The following NCOR2 variants were observed in gnomAD, a reference collection of about 807,000 sequenced individuals.
NCOR2 encodes CTG repeat protein 26.
A neutral mutation model predicts 262.9 loss-of-function variants in NCOR2; 81 were observed. The observed-to-expected ratio is 0.31, with a 90% CI of 0.26 to 0.37. NCOR2 has a LOEUF of 0.37. Ranked by LOEUF, NCOR2 falls within the 10% of genes least tolerant of loss-of-function variation. The pLI is 1.00. For missense variants in NCOR2, 3,385 were observed against 3,621.4 expected (o/e 0.93, Z 1.68); for synonymous variants, 1,659 against 1,559.3 (o/e 1.06, Z -1.51).
intron 8 of NCOR2, among the ~76,000 whole-genome samples, chr12:124,434,360 C>T (rs983007360): frequency 5.3e-5 from 8 of 152,178 alleles, no homozygotes; most frequent in South Asian, 2.1e-4. Context: ...CAATCGCCAC[C>T]GCAGCTTCAG....
At chr12:124,325,392 C>CCCCCCAG in exon 47 of NCOR2, 1 of 1,152,270 alleles carries the variant, frequency 8.7e-7, no homozygotes, top group Non-Finnish European at 1.1e-6. Context: ...CCCCCCCGCC[C>CCCCCCAG]TGTTCTGAGT....
chr12:124,453,880 T>C (rs567651270), intron 6 of NCOR2, among the ~76,000 whole-genome samples: 60 of 152,290 alleles, frequency 3.9e-4, no homozygotes, highest in African/African-American at 1.4e-3. Context: ...CTGGTGCTAT[T>C]TTCATCCTTT....
At chr12:124,527,424 AT>A (rs549129924) in intron 1 of NCOR2, among the ~76,000 whole-genome samples, 170 of 148,060 alleles carry the variant, frequency 1.1e-3, no homozygotes, top group South Asian at 1.7e-3. Flanking sequence ...TTTTTTATTT[AT>A]TTTTTTTTTT....
At chr12:124,498,327 C>T (rs563757716), upstream of NCOR2, among the ~76,000 whole-genome samples, 1 of 152,178 alleles carries the variant, frequency 6.6e-6, no homozygotes, top group Non-Finnish European at 1.5e-5. Context: ...TCCTAAAGTG[C>T]CCCGCAGCTG....
In NCOR2 at chr12:124,426,686, C is replaced by T. The variant is rs1327190438; in HGVS notation, c.1264G>A (p.Val422Met). Residue 422 changes from valine (V) to methionine (M), a missense_variant, in exon 11 of 47, where the codon GTG (valine) becomes ATG (methionine). By Grantham distance (21) the Val-to-Met change is conservative (BLOSUM62 1). Coordinates refer to ENST00000405201, the Ensembl canonical transcript of NCOR2. ...TTCATGACCTGGCGGTCTTTGTACA[C>T]CTTCATGGGGTCGGCCATAAGCCCG... is the stretch of plus-strand genomic sequence containing the variant. 6 of 1,611,824 alleles carry T rather than the reference C, an allele frequency of 3.7e-6. No homozygotes were observed. In the Admixed American group the frequency reaches 6.7e-5, roughly 18 times the overall value.
At chr12:124,513,869 A>G (rs918061759) in intron 1 of NCOR2, 1 of 152,188 alleles carries the variant, frequency 6.6e-6, no homozygotes, top group African/African-American at 2.4e-5. Context: ...AGTCAGAGAA[A>G]AAGCATGAGA....
intron 7 of NCOR2, among the ~76,000 whole-genome samples, chr12:124,438,675 A>G (rs918914209): frequency 6.6e-6 from 1 of 151,666 alleles, no homozygotes; most frequent in African/African-American, 2.4e-5. Context: ...AGTTTCAGAG[A>G]GAGAGAGGGA....
At chr12:124,327,023 A>T (rs558399807) in intron 45 of NCOR2, among the ~76,000 whole-genome samples, 1 of 152,264 alleles carries the variant, frequency 6.6e-6, no homozygotes, top group South Asian at 2.1e-4. Context: ...CCTGGCTGCC[A>T]TTCCCCTGTC....
intron 1 of NCOR2, among the ~76,000 whole-genome samples, chr12:124,524,412 G>T (rs975133433): frequency 6.6e-6 from 1 of 152,106 alleles, no homozygotes; most frequent in Non-Finnish European, 1.5e-5. Context: ...AACAAATGTC[G>T]AGGACCTCAC....
At chr12:124,433,329 T>C (rs983347745) in intron 8 of NCOR2, among the ~76,000 whole-genome samples, 9 of 152,210 alleles carry the variant, frequency 5.9e-5, no homozygotes, top group Non-Finnish European at 1.0e-4. Context: ...CCTCGGCCCC[T>C]GTCCAAGAGG....
chr12:124,388,802 G>A (rs936334293), intron 16 of NCOR2: 3 of 1,300,672 alleles, frequency 2.3e-6, no homozygotes, highest in African/African-American at 1.5e-5. Flanking sequence ...TCGGCTCTGC[G>A]AGGCTGCTGG....
In NCOR2 at chr12:124,478,820, C is replaced by CAAAGAG. The variant is rs1244805349; in HGVS notation, c.411+4775_411+4776insCTCTTT. Among the ~76,000 whole-genome samples, 614 of 151,944 alleles carry CAAAGAG rather than the reference C, an allele frequency of 4.0e-3. 3 individuals are homozygous for CAAAGAG. The highest frequency in any genetic ancestry group is 0.014 in the African/African-American group (587 of 41,418). On this transcript the variant is annotated intron_variant, in intron 3 of 46. Transcript: ENST00000405201. Reference sequence around the variant, plus strand: ...ACAGAGACGTGGTGACAGACACACACAAACAGAAAGAGATAGAGATAGAGG... The same window carrying CAAAGAG: ...ACAGAGACGTGGTGACAGACACACACAAAGAGAAACAGAAAGAGATAGAGATAGAGG...
Position 124,523,636 on chromosome 12 carries a change from T to TAAA in NCOR2, c.-118+11926_-118+11928dup, listed in dbSNP as rs5801559. Among the ~76,000 whole-genome samples the TAAA allele has an allele frequency of 0.01, 1,415 of 138,536 alleles. 27 individuals carry two copies. Among genetic ancestry groups the TAAA allele is most frequent in the African/African-American group, 0.035 (1,245 of 36,034 alleles). 90.9% of individuals were successfully genotyped at this position (138,536 alleles called of 152,430 possible). Reference sequence around the variant, plus strand: ...CTAACACTAACCATAGCTGATGAACTAAAAAAAAAAAAAACAAAAAACCGA... The same window carrying TAAA: ...CTAACACTAACCATAGCTGATGAACTAAAAAAAAAAAAAAAAACAAAAAACCGA... On this transcript the variant is annotated intron_variant, in intron 1 of 46. Coordinates refer to the NCOR2 transcript ENST00000404621. This position sits in a 1 kb window ranked among gnomAD's most constrained non-coding sequence, Gnocchi z 4.0.
chr12:124,359,556 C>T (rs529731669), intron 22 of NCOR2, among the ~76,000 whole-genome samples: 3 of 152,248 alleles, frequency 2.0e-5, no homozygotes, highest in East Asian at 3.9e-4. Context: ...CCAGTGGAGG[C>T]ACCTGTACAG....
intron 41 of NCOR2, 42 bp downstream of exon 43, chr12:124,334,382 C>G (rs747695359): frequency 7.0e-7 from 1 of 1,436,032 alleles, no homozygotes; most frequent in South Asian, 1.3e-5. Flanking sequence ...CGAAGGCCTC[C>G]CGCCGGCTGA....
chr12:124,504,716 G>A lies in NCOR2; in HGVS notation c.-117-9348C>T, dbSNP rs768391456. Among the ~76,000 whole-genome samples, 5 of 152,214 alleles carry A rather than the reference G, an allele frequency of 3.3e-5. No individual in the cohort carries two copies. The highest frequency in any genetic ancestry group is 1.3e-4 in the Admixed American group (2 of 15,282). On this transcript the variant is annotated intron_variant, in intron 1 of 46. Transcript: ENST00000404621. This position sits in a 1 kb window ranked among gnomAD's most constrained non-coding sequence, Gnocchi z 4.5. Reference sequence around the variant, plus strand: ...ACGATTCAGCCACGCAAAGGTAAGCGCTGACTCAGCCACAACGCAGGTGAG... The same window carrying A: ...ACGATTCAGCCACGCAAAGGTAAGCACTGACTCAGCCACAACGCAGGTGAG...
chr12:124,381,187 C>T (rs2040383897), intron 17 of NCOR2, among the ~76,000 whole-genome samples: 1 of 152,132 alleles, frequency 6.6e-6, no homozygotes, highest in Non-Finnish European at 1.5e-5. Context: ...CTCCCCTCCT[C>T]AGAGACTGTG....
At chr12:124,346,477 C>T in intron 31 of NCOR2, 87 bp downstream of exon 33, 3 of 1,340,900 alleles carry the variant, frequency 2.2e-6, no homozygotes, top group Non-Finnish European at 2.9e-6. Flanking sequence ...GCCTCGGTTT[C>T]CCCATGTGGA....
At chr12:124,366,836 T>C (rs1475060389) in intron 20 of NCOR2, among the ~76,000 whole-genome samples, 2 of 152,116 alleles carry the variant, frequency 1.3e-5, no homozygotes, top group African/African-American at 4.8e-5. Flanking sequence ...ACGCTTTCAA[T>C]GGTGAAATGT....
Sources: gnomAD v4.1 joint callset for allele counts (sites outside exome capture counted in the v4.1 genomes callset) on GRCh38, gnomAD v4.1.1 for gene constraint, Gnocchi (gnomAD v3.1) non-coding constraint, MANE v1.5 for transcripts, NCBI Gene and HGNC (gene_info 2026-07-23, HGNC 2026-07-21) for gene names.